The following ADGRL3 variants were observed in gnomAD, a reference collection of about 807,000 sequenced individuals.
ADGRL3 encodes adhesion G protein-coupled receptor L3, also known as calcium-independent alpha-latrotoxin receptor 3.
A neutral mutation model predicts 153.5 loss-of-function variants in ADGRL3; 62 were observed. The observed-to-expected ratio is 0.40, with a 90% confidence interval of 0.33 to 0.50. ADGRL3 has a LOEUF of 0.50. Among genes scored for constraint, ADGRL3 ranks in the 20% least tolerant of loss-of-function variants. The pLI is 0.47. For missense variants in ADGRL3, 1,641 were observed against 1,859.4 expected (o/e 0.88, Z 2.16); for synonymous variants, 710 against 672.5 (o/e 1.06, Z -0.86).
intron 5 of ADGRL3, among the ~76,000 whole-genome samples, chr4:61,638,211 A>G (rs2093513180): frequency 6.6e-6 from 1 of 152,188 alleles, no homozygotes. Flanking sequence ...CACCAATAGA[A>G]AGGGACAAAC....
intron 11 of ADGRL3, 144 bp downstream of exon 11, chr4:61,895,978 T>C (rs2098629048): frequency 4.6e-6 from 2 of 436,750 alleles, no homozygotes; most frequent in Middle Eastern, 4.1e-4. Flanking sequence ...TAATATGTTA[T>C]GAGCTAATTC....
chr4:61,909,715 A>G lies in ADGRL3; in HGVS notation c.2043A>G (p.Gly681=), dbSNP rs766833367. Residue 681 remains glycine, a synonymous_variant, in exon 12 of 27, where the codon GGA becomes GGG. Transcript: ENST00000683033. ...AGCTTCGGAACTTGACCCCAGGTGG[A>G]AAAGATAGTGCTGCCCGGAGTTTGA... ...DVQLRNLTPG[G]KDSAARSLNK... 6.4e-5 allele frequency: 100 copies of G among 1,571,170 alleles called. No homozygotes were observed. Among genetic ancestry groups the G allele is most frequent in the Non-Finnish European group, 8.4e-5 (97 of 1,158,200 alleles).
At chr4:61,801,264 T>C (rs1189864494) in intron 8 of ADGRL3, among the ~76,000 whole-genome samples, 1 of 152,022 alleles carries the variant, frequency 6.6e-6, no homozygotes, top group African/African-American at 2.4e-5. Flanking sequence ...TTTTGGTAGG[T>C]ATATGTGATT....
At chr4:61,927,279 T>G (rs2150053711) in intron 13 of ADGRL3, among the ~76,000 whole-genome samples, 1 of 152,250 alleles carries the variant, frequency 6.6e-6, no homozygotes, top group African/African-American at 2.4e-5. Context: ...AGAGATTTAT[T>G]TGACAGCATT....
intron 1 of ADGRL3, among the ~76,000 whole-genome samples, chr4:61,261,434 T>C (rs963102888): frequency 6.6e-6 from 1 of 152,142 alleles, no homozygotes; most frequent in Admixed American, 6.5e-5. Flanking sequence ...TTGGCACACA[T>C]GAAATTCAAG....
rs565906840 is a variant in ADGRL3 at position 61,504,752 on chromosome 4, T to C, written c.55+7404T>C. Among the ~76,000 whole-genome samples the C allele has an allele frequency of 7.7e-4, 117 of 152,338 alleles. 1 individual carries two copies. Among genetic ancestry groups the C allele is most frequent in the Non-Finnish European group, 1.2e-3 (85 of 68,024 alleles). On this transcript the variant is annotated intron_variant, in intron 3 of 26. Transcript: ENST00000683033. ...TATTTCTCATATATTACTGATAACATGCAATGTTTGTCTTTCTATGTTTGG... is the reference window on the plus strand; with the variant it reads ...TATTTCTCATATATTACTGATAACACGCAATGTTTGTCTTTCTATGTTTGG...
At chr4:62,006,359 G>C (rs1445272614) in intron 21 of ADGRL3, among the ~76,000 whole-genome samples, 1 of 151,988 alleles carries the variant, frequency 6.6e-6, no homozygotes, top group Admixed American at 6.6e-5. Flanking sequence ...ATGGAGTGGA[G>C]TGTGACTCCA....
At chr4:61,696,320 A>G (rs139345372) in intron 6 of ADGRL3, among the ~76,000 whole-genome samples, 4 of 152,148 alleles carry the variant, frequency 2.6e-5, no homozygotes, top group Non-Finnish European at 5.9e-5. Flanking sequence ...TTTCTAGGAT[A>G]GGGTTTTTCC....
intron 23 of ADGRL3, among the ~76,000 whole-genome samples, chr4:62,035,100 T>G (rs1724227362): frequency 6.6e-6 from 1 of 151,958 alleles, no homozygotes; most frequent in Non-Finnish European, 1.5e-5. Context: ...CTGGACATGG[T>G]CCATGTTATT....
chr4:61,228,919 T>A (rs1749214927), intron 1 of ADGRL3, among the ~76,000 whole-genome samples: 1 of 152,158 alleles, frequency 6.6e-6, no homozygotes, highest in African/African-American at 2.4e-5. Context: ...TTGGAACTCC[T>A]GACCTCAAGC....
chr4:61,420,433 GT>G (rs1369940571), intron 2 of ADGRL3: 2 of 127,358 alleles, frequency 1.6e-5, no homozygotes, highest in African/African-American at 6.1e-5. Flanking sequence ...TTGAGGCGGA[GT>G]CTCACTCCGT....
chr4:61,591,933 G>C (rs1057124319), intron 5 of ADGRL3, among the ~76,000 whole-genome samples: 1 of 151,708 alleles, frequency 6.6e-6, no homozygotes, highest in Non-Finnish European at 1.5e-5. Flanking sequence ...AAAGTTAGCT[G>C]TACCTGGTGG....
chr4:61,653,939 T>G (rs2094358117), intron 5 of ADGRL3, among the ~76,000 whole-genome samples: 1 of 152,162 alleles, frequency 6.6e-6, no homozygotes, highest in African/African-American at 2.4e-5. Context: ...GGCAAATAGA[T>G]GTCGCTACAT....
intron 17 of ADGRL3, among the ~76,000 whole-genome samples, chr4:61,957,841 C>A (rs1018604775): frequency 2.6e-5 from 4 of 151,832 alleles, no homozygotes; most frequent in African/African-American, 9.7e-5. Flanking sequence ...TAAAATTATC[C>A]TGTAGCATCT....
chr4:61,519,635 A>G (rs907047390), intron 4 of ADGRL3, among the ~76,000 whole-genome samples: 16 of 152,208 alleles, frequency 1.1e-4, no homozygotes, highest in Non-Finnish European at 1.9e-4. Context: ...AATATGGAAG[A>G]CAGTATATAC....
intron 8 of ADGRL3, among the ~76,000 whole-genome samples, chr4:61,792,595 T>C (rs1039471144): frequency 6.6e-6 from 1 of 151,862 alleles, no homozygotes; most frequent in African/African-American, 2.4e-5. Context: ...GTTCAAGTGA[T>C]TCTCCTGCCT....
At chr4:61,954,296 T>C (rs2098958107) in intron 17 of ADGRL3, among the ~76,000 whole-genome samples, 1 of 152,060 alleles carries the variant, frequency 6.6e-6, no homozygotes, top group Non-Finnish European at 1.5e-5. Flanking sequence ...AGATCCAGAA[T>C]TTGATCTCTT....
At chr4:61,462,290 A>C (rs532145377) in intron 2 of ADGRL3, among the ~76,000 whole-genome samples, 3 of 152,326 alleles carry the variant, frequency 2.0e-5, no homozygotes, top group South Asian at 4.1e-4. Flanking sequence ...ATTAAGATCA[A>C]ATCTTGTCTT....
intron 9 of ADGRL3, among the ~76,000 whole-genome samples, chr4:61,873,005 A>G (rs904209912): frequency 3.3e-5 from 5 of 152,200 alleles, no homozygotes; most frequent in African/African-American, 1.2e-4. Flanking sequence ...TAATGATGTG[A>G]ATCTAACTGT....
Sources: allele counts gnomAD v4.1 joint callset (sites outside exome capture counted in the v4.1 genomes callset), GRCh38; gene constraint gnomAD v4.1.1; transcripts MANE v1.5; gene names NCBI Gene and HGNC (gene_info 2026-07-23, HGNC 2026-07-21).